Variants in RAB38 observed in about 807,000 individuals in gnomAD.
The protein encoded by RAB38 is RAB38, member RAS oncogene family, also known as ras-related protein Rab-38.
In RAB38, 15 loss-of-function variants were observed where a neutral mutation model predicts 18.4. The observed-to-expected ratio is 0.82, with a 90% CI of 0.55 to 1.26. The LOEUF is 1.26. Among genes scored for constraint, RAB38 ranks in the 50% most tolerant of loss-of-function variants. The pLI, the probability that RAB38 is intolerant of heterozygous loss-of-function variation, is 0.00. For synonymous variants in RAB38, 101 were observed against 104.4 expected (o/e 0.97, Z 0.20); for missense variants, 294 against 267.4 (o/e 1.10, Z -0.69).
rs540196474 is a variant in RAB38, at chr11:88,139,037, G to A, written c.483+10638C>T. Among the ~76,000 whole-genome samples, 470 of 152,122 alleles carry A rather than the reference G, an allele frequency of 3.1e-3. 5 individuals carry two copies. The highest frequency in any genetic ancestry group is 4.5e-3 in the Non-Finnish European group (303 of 67,990). ...CTGACCTCATGATCCACCCGCCTCC[G>A]CCTCCCAAAGTGCTGGGATAACAGG... On this transcript the variant is annotated intron_variant, in intron 2 of 2. Coordinates refer to ENST00000243662, the MANE Select transcript of RAB38 (RefSeq NM_022337.3).
At chr11:88,148,053 A>G (rs1943013806) in intron 2 of RAB38, among the ~76,000 whole-genome samples, 1 of 152,218 alleles carries the variant, frequency 6.6e-6, no homozygotes, top group Non-Finnish European at 1.5e-5. Flanking sequence ...GTCAAGAAAT[A>G]TAAAATGATG....
intron 2 of RAB38, among the ~76,000 whole-genome samples, chr11:88,120,253 A>C (rs1048575798): frequency 6.6e-6 from 1 of 152,238 alleles, no homozygotes; most frequent in African/African-American, 2.4e-5. Flanking sequence ...AGTGAAGTCC[A>C]GAGAAACTAA....
the RAB38 span, among the ~76,000 whole-genome samples, chr11:88,004,627 A>AG: frequency 6.6e-6 from 1 of 151,332 alleles, no homozygotes; most frequent in African/African-American, 2.4e-5. Context: ...GTTCCTAGTT[A>AG]GTCATTGCAT....
At chr11:88,096,871 G>A in the RAB38 span, among the ~76,000 whole-genome samples, 2 of 151,648 alleles carry the variant, frequency 1.3e-5, no homozygotes, top group African/African-American at 2.4e-5. Flanking sequence ...TGTCAACAGA[G>A]TAAATATTTC....
At chr11:87,969,446 C>T in the RAB38 span, among the ~76,000 whole-genome samples, 1 of 152,086 alleles carries the variant, frequency 6.6e-6, no homozygotes, top group African/African-American at 2.4e-5. Flanking sequence ...TCAAACGCTC[C>T]ATGGTATAAT....
chr11:88,141,266 G>A (rs1003805178), intron 2 of RAB38, among the ~76,000 whole-genome samples: 1 of 152,062 alleles, frequency 6.6e-6, no homozygotes, highest in Non-Finnish European at 1.5e-5. Context: ...TGCAACCAGA[G>A]GACATTTGGC....
the RAB38 span, among the ~76,000 whole-genome samples, chr11:87,810,297 G>C: frequency 6.6e-6 from 1 of 151,936 alleles, no homozygotes; most frequent in East Asian, 1.9e-4. Flanking sequence ...TGTTGCCCAG[G>C]CTTGACTTGA....
At chr11:88,092,409 A>AGG in the RAB38 span, among the ~76,000 whole-genome samples, 1 of 70,120 alleles carries the variant, frequency 1.4e-5, no homozygotes, top group African/African-American at 7.5e-5. Context: ...AGAGAGAGAG[A>AGG]GAGAGAGAGA....
chr11:88,073,138 A>T, the RAB38 span, among the ~76,000 whole-genome samples: 1 of 152,170 alleles, frequency 6.6e-6, no homozygotes, highest in African/African-American at 2.4e-5. Context: ...TCTTGGCAAG[A>T]TACCTTTCAA....
the RAB38 span, among the ~76,000 whole-genome samples, chr11:87,832,988 A>T: frequency 6.6e-6 from 1 of 152,306 alleles, no homozygotes; most frequent in East Asian, 1.9e-4. Flanking sequence ...CACAGCCCCA[A>T]ACCAGTCTTT....
At chr11:87,881,663 A>G in the RAB38 span, among the ~76,000 whole-genome samples, 1 of 151,832 alleles carries the variant, frequency 6.6e-6, no homozygotes, top group Non-Finnish European at 1.5e-5. Flanking sequence ...TAAGATTATT[A>G]TGGGTTTGTC....
intron 1 of RAB38, among the ~76,000 whole-genome samples, chr11:88,152,685 T>C (rs1943078056): frequency 6.6e-6 from 1 of 152,200 alleles, no homozygotes; most frequent in African/African-American, 2.4e-5. Flanking sequence ...ATGAGAACCA[T>C]GTGACTCAGA....
the RAB38 span, among the ~76,000 whole-genome samples, chr11:87,949,398 G>C: frequency 1.6e-4 from 24 of 152,140 alleles, no homozygotes; most frequent in East Asian, 4.4e-3. Context: ...CTTCAGTTCT[G>C]CTCTGATCTT....
the RAB38 span, among the ~76,000 whole-genome samples, chr11:87,929,561 TG>T: frequency 1.2e-4 from 17 of 141,698 alleles, no homozygotes; most frequent in Non-Finnish European, 7.8e-5. Context: ...TTCTTTTTTT[TG>T]GTTTTTTTTT....
chr11:87,890,594 G>C, the RAB38 span, among the ~76,000 whole-genome samples: 1 of 150,882 alleles, frequency 6.6e-6, no homozygotes, highest in Non-Finnish European at 1.5e-5. Flanking sequence ...TTTATCAACT[G>C]TTGTATTTTT....
the RAB38 span, among the ~76,000 whole-genome samples, chr11:88,008,426 A>G: frequency 6.6e-6 from 1 of 152,192 alleles, no homozygotes; most frequent in African/African-American, 2.4e-5. Context: ...TTCTCAAAGG[A>G]TATCTAGCAG....
the RAB38 span, among the ~76,000 whole-genome samples, chr11:87,865,976 A>G: frequency 6.6e-6 from 1 of 151,784 alleles, no homozygotes; most frequent in South Asian, 2.1e-4. Context: ...AATATTCACA[A>G]TAAATTATTT....
chr11:87,953,037 A>AT, the RAB38 span, among the ~76,000 whole-genome samples: 3 of 152,072 alleles, frequency 2.0e-5, no homozygotes, highest in East Asian at 5.8e-4. Context: ...AAATTCTATA[A>AT]AGTTGATCAT....
At chr11:87,899,516 TTA>T in the RAB38 span, among the ~76,000 whole-genome samples, 1 of 151,664 alleles carries the variant, frequency 6.6e-6, no homozygotes, top group Admixed American at 6.6e-5. Flanking sequence ...TTGGCCATTG[TTA>T]TATCAAGAAA....
Sources: allele counts gnomAD v4.1 joint callset (sites outside exome capture counted in the v4.1 genomes callset), GRCh38; gene constraint gnomAD v4.1.1; transcripts MANE v1.5; gene names NCBI Gene and HGNC (gene_info 2026-07-23, HGNC 2026-07-21).